CXCL13: variants seen among roughly 807,000 people sequenced by gnomAD.
The protein encoded by CXCL13 is C-X-C motif chemokine 13.
Under a neutral mutation model 12.2 loss-of-function variants are expected in CXCL13, and 7 were observed. The ratio of observed to expected loss-of-function variants is 0.57; its 90% CI spans 0.33 to 1.07. The LOEUF (loss-of-function observed/expected upper bound fraction) is 1.07, where lower values mean the gene tolerates loss of function less well. CXCL13 is among the 50% of genes least tolerant of loss of function. CXCL13 has a pLI of 0.04. For missense variants in CXCL13, 113 were observed against 127.4 expected, an observed-to-expected ratio of 0.89 and a Z score of 0.55; for synonymous variants, 47 against 42.4, an observed-to-expected ratio of 1.11 and a Z score of -0.42.
intron 1 of CXCL13, chr4:77,511,845 A>C (rs1724281740): frequency 6.6e-6 from 1 of 152,190 alleles, no homozygotes; most frequent in South Asian, 2.1e-4. Flanking sequence ...TAACTTCCAG[A>C]GTTAATGTCT....
chr4:77,586,655 G>A (rs749657377), intron 1 of CXCL13, among the ~76,000 whole-genome samples: 4 of 152,158 alleles, frequency 2.6e-5, no homozygotes, highest in South Asian at 2.1e-4. Context: ...GAGAAATAAC[G>A]ACTTTCTGAT....
intron 1 of CXCL13, among the ~76,000 whole-genome samples, chr4:77,565,109 T>C (rs1478982547): frequency 6.6e-6 from 1 of 152,194 alleles, no homozygotes; most frequent in Non-Finnish European, 1.5e-5. Context: ...GAGAGGGAAC[T>C]GAATGGAGGG....
chr4:77,526,137 C>G (rs942684578), intron 1 of CXCL13, among the ~76,000 whole-genome samples: 1 of 151,932 alleles, frequency 6.6e-6, no homozygotes, highest in Non-Finnish European at 1.5e-5. Context: ...AGCCTTAAAA[C>G]AAAGTTGGTA....
intron 1 of CXCL13, among the ~76,000 whole-genome samples, chr4:77,545,011 C>A (rs953852302): frequency 6.6e-6 from 1 of 152,144 alleles, no homozygotes; most frequent in Admixed American, 6.5e-5. Flanking sequence ...GGAATCCTTT[C>A]CCCATTTCTT....
At chr4:77,601,226 T>A (rs1214874575), upstream of CXCL13, among the ~76,000 whole-genome samples, 2 of 152,152 alleles carry the variant, frequency 1.3e-5, no homozygotes, top group Non-Finnish European at 2.9e-5. Flanking sequence ...CAGGTATAGG[T>A]CTTGAAATCA....
Position 77,536,043 on chromosome 4 carries a change from C to A in CXCL13, c.-43+24255C>A, listed in dbSNP as rs537373403. ...AGAATAAACACCCTAACCTCACTCC[C>A]CTCCCTCTCTCAATCTTCTGCTGGT... On this transcript the variant is annotated intron_variant, in intron 1 of 4. Transcript: ENST00000286758. 2.2e-3 allele frequency among the ~76,000 whole-genome samples: 334 copies of A among 152,232 alleles called. 1 individual carries two copies. The highest frequency in any genetic ancestry group is 7.0e-3 in the African/African-American group (289 of 41,546).
intron 1 of CXCL13, among the ~76,000 whole-genome samples, chr4:77,541,872 A>G (rs1177128863): frequency 6.6e-6 from 1 of 152,032 alleles, no homozygotes; most frequent in Non-Finnish European, 1.5e-5. Context: ...TTTGTTTATG[A>G]CATCTATGAT....
intron 1 of CXCL13, among the ~76,000 whole-genome samples, chr4:77,528,064 A>C (rs1286431379): frequency 1.3e-5 from 2 of 152,160 alleles, no homozygotes; most frequent in Non-Finnish European, 2.9e-5. Flanking sequence ...TTTGCTGAGA[A>C]TGAAGGTTTC....
At chr4:77,606,373 C>A (rs1727004218) in intron 1 of CXCL13, among the ~76,000 whole-genome samples, 1 of 152,184 alleles carries the variant, frequency 6.6e-6, no homozygotes, top group Non-Finnish European at 1.5e-5. Flanking sequence ...TCAAGTACAC[C>A]ACTGTCAGTA....
intron 1 of CXCL13, among the ~76,000 whole-genome samples, chr4:77,554,607 C>A (rs1725616276): frequency 2.0e-5 from 3 of 152,042 alleles, no homozygotes; most frequent in South Asian, 2.1e-4. Context: ...ATTTACAGAA[C>A]AACATTTCTA....
At chr4:77,559,778 C>A (rs528534216) in intron 1 of CXCL13, among the ~76,000 whole-genome samples, 1 of 151,878 alleles carries the variant, frequency 6.6e-6, no homozygotes, top group Non-Finnish European at 1.5e-5. Context: ...AAAAATTAGT[C>A]GGGCATGGTG....
intron 1 of CXCL13, among the ~76,000 whole-genome samples, chr4:77,513,967 C>A (rs1282052386): frequency 6.6e-6 from 1 of 152,158 alleles, no homozygotes; most frequent in Non-Finnish European, 1.5e-5. Context: ...ACCCCCACCC[C>A]ACAACAGTCC....
At position 77,611,480 on chromosome 4, in the gene CXCL13, A is replaced by G; in HGVS notation, c.*441A>G. 1 of 392,790 alleles carries G rather than the reference A, an allele frequency of 2.5e-6. No individual in the cohort carries two copies. 24.3% of individuals were successfully genotyped at this position (392,790 alleles called of 1,614,324 possible). A position where few individuals can be genotyped will look rare whatever the true frequency, so the allele number is the denominator to read the frequency against. ...AAAAGCTGCCTGGGAGGCAGATGGA[A>G]CTTGAGCCTGTCAAGAGGCAAAGGA... On this transcript the variant is annotated 3_prime_UTR_variant, in exon 4 of 4. Transcript: ENST00000682537.
At chr4:77,599,352 C>T (rs2109834751) in intron 1 of CXCL13, among the ~76,000 whole-genome samples, 1 of 152,162 alleles carries the variant, frequency 6.6e-6, no homozygotes, top group South Asian at 2.1e-4. Context: ...CTCTAGATTA[C>T]TTATAATACC....
At chr4:77,589,391 C>G (rs1420568457) in intron 1 of CXCL13, among the ~76,000 whole-genome samples, 2 of 152,118 alleles carry the variant, frequency 1.3e-5, no homozygotes. Flanking sequence ...CTCGGTATCA[C>G]AGTGCTTGTG....
chr4:77,605,805 T>C, upstream of CXCL13: 1 of 1,087,756 alleles, frequency 9.2e-7, no homozygotes, highest in South Asian at 1.7e-5. Context: ...TAGGAGTCTC[T>C]GGTACTGCAA....
chr4:77,597,675 G>A (rs867121132), intron 1 of CXCL13, among the ~76,000 whole-genome samples: 4 of 152,228 alleles, frequency 2.6e-5, no homozygotes, highest in Middle Eastern at 3.4e-3. Context: ...TTGGAATATG[G>A]AAGAAGTTGA....
At chr4:77,589,105 T>C (rs1578067615) in intron 1 of CXCL13, among the ~76,000 whole-genome samples, 3 of 152,348 alleles carry the variant, frequency 2.0e-5, no homozygotes, top group East Asian at 3.9e-4. Flanking sequence ...TTGAGGAAAT[T>C]GTCCAGAGTT....
intron 1 of CXCL13, among the ~76,000 whole-genome samples, chr4:77,518,226 C>A (rs933763942): frequency 6.6e-6 from 1 of 152,186 alleles, no homozygotes; most frequent in Non-Finnish European, 1.5e-5. Context: ...CTGCCCTTAA[C>A]ATTTTTTCCT....
Sources: allele counts gnomAD v4.1 joint callset (sites outside exome capture counted in the v4.1 genomes callset), GRCh38; gene constraint gnomAD v4.1.1; transcripts MANE v1.5; gene names NCBI Gene and HGNC (gene_info 2026-07-23, HGNC 2026-07-21).